The following AATF variants were observed in gnomAD, a reference collection of about 807,000 sequenced individuals.
AATF encodes the protein protein AATF.
AATF carries 48 observed loss-of-function variants against 63.7 expected under a neutral mutation model. The observed-to-expected ratio is 0.75, with a 90% confidence interval of 0.60 to 0.96. The LOEUF is 0.96. Among genes scored for constraint, AATF ranks in the 40% least tolerant of loss-of-function variants. The probability of loss-of-function intolerance (pLI) is 0.00; values close to 1 mark genes in which losing one functional copy is unlikely to be tolerated. For missense variants in AATF, 639 were observed against 685.7 expected (o/e 0.93, Z 0.76); for synonymous variants, 258 against 247.7 (o/e 1.04, Z -0.39).
chr17:36,992,971 G>A (rs796652344), intron 8 of AATF, among the ~76,000 whole-genome samples: 29 of 152,240 alleles, frequency 1.9e-4, no homozygotes, highest in African/African-American at 6.5e-4. Context: ...CAGCATCTCC[G>A]GAAGCATTCC....
chr17:36,952,674 C>T (rs982345827), intron 2 of AATF, among the ~76,000 whole-genome samples: 3 of 152,198 alleles, frequency 2.0e-5, no homozygotes, highest in Non-Finnish European at 4.4e-5. Context: ...CCACTAGCTC[C>T]TTTTGTTAGG....
chr17:37,031,714 A>C (rs190989453), intron 11 of AATF, 29 bp downstream of exon 11: 21,491 of 1,577,436 alleles, frequency 0.014, 187 homozygotes, highest in Non-Finnish European at 0.017. Flanking sequence ...ATGTGTCTCA[A>C]ATGGCTTCAT....
chr17:36,964,921 C>T (rs1396185126), intron 4 of AATF, among the ~76,000 whole-genome samples: 5 of 152,068 alleles, frequency 3.3e-5, no homozygotes, highest in African/African-American at 7.2e-5. Context: ...GGAGAGCTAC[C>T]GCTTTCGGGT....
intron 4 of AATF, among the ~76,000 whole-genome samples, chr17:36,983,102 C>A (rs1043531640): frequency 2.0e-5 from 3 of 151,994 alleles, no homozygotes; most frequent in Admixed American, 6.6e-5. Flanking sequence ...AGTACAGTGG[C>A]GTGATCACAG....
chr17:37,030,753 G>A (rs919322720), intron 10 of AATF, among the ~76,000 whole-genome samples: 7 of 152,146 alleles, frequency 4.6e-5, no homozygotes, highest in African/African-American at 1.7e-4. Flanking sequence ...ACGTGGAATT[G>A]CAGACCCCTT....
intron 11 of AATF, among the ~76,000 whole-genome samples, chr17:37,049,934 T>C (rs2071732841): frequency 6.6e-6 from 1 of 152,038 alleles, no homozygotes; most frequent in South Asian, 2.1e-4. Flanking sequence ...TCCACCTGCT[T>C]TGGGCTCACG....
chr17:36,983,124 C>T (rs997059270), intron 4 of AATF, among the ~76,000 whole-genome samples: 2 of 152,110 alleles, frequency 1.3e-5, no homozygotes, highest in African/African-American at 4.8e-5. Context: ...TCACTGCAGC[C>T]TCAACCACCT....
intron 11 of AATF, among the ~76,000 whole-genome samples, chr17:37,048,438 T>G (rs1204657868): frequency 7.1e-6 from 1 of 140,654 alleles, no homozygotes; most frequent in Non-Finnish European, 1.5e-5. Flanking sequence ...TGGCACAATC[T>G]CGGCTCACTG....
At chr17:36,965,309 A>T (rs1597702778) in intron 4 of AATF, among the ~76,000 whole-genome samples, 1 of 152,074 alleles carries the variant, frequency 6.6e-6, no homozygotes, top group African/African-American at 2.4e-5. Flanking sequence ...AGGCGGCCAC[A>T]TTCTTTGCTC....
chr17:37,004,575 A>T (rs2142268172), intron 8 of AATF, among the ~76,000 whole-genome samples: 1 of 152,198 alleles, frequency 6.6e-6, no homozygotes, highest in African/African-American at 2.4e-5. Flanking sequence ...GGTGTGATGG[A>T]TAGAGGGAAG....
intron 4 of AATF, among the ~76,000 whole-genome samples, chr17:36,959,180 A>T (rs1366666511): frequency 6.6e-6 from 1 of 151,912 alleles, no homozygotes; most frequent in Non-Finnish European, 1.5e-5. Flanking sequence ...GTGGTGGCTC[A>T]TGCCTGTAAT....
chr17:37,027,845 G>A (rs1341558390), intron 10 of AATF, among the ~76,000 whole-genome samples: 1 of 152,108 alleles, frequency 6.6e-6, no homozygotes, highest in Admixed American at 6.5e-5. Flanking sequence ...CACAACTGTA[G>A]GGTACAGTTC....
rs767978973 is a variant in AATF at position 36,950,215 on chromosome 17, C to G, written c.93C>G (p.Ala31=). 6.2e-7 allele frequency: 1 copy of G among 1,611,626 alleles called. No homozygotes were observed. The highest frequency in any genetic ancestry group is 1.1e-5 in the South Asian group (1 of 90,972). Residue 31 remains alanine (A), a splice_region_variant and synonymous_variant, in exon 2 of 12, where the codon GCC becomes GCG. Transcript: ENST00000619387. ...TTACTTTTCCCTCTCCCCCGACAGCCACTGCTGCCAGGGTGATTGACAGGT... is the reference window on the plus strand; with the variant it reads ...TTACTTTTCCCTCTCCCCCGACAGCGACTGCTGCCAGGGTGATTGACAGGT... ...EADPEADPEE[A]TAARVIDRFD...
chr17:37,019,413 A>T (rs1188315807), intron 9 of AATF, among the ~76,000 whole-genome samples: 1 of 152,232 alleles, frequency 6.6e-6, no homozygotes, highest in Non-Finnish European at 1.5e-5. Flanking sequence ...CTCAGCTGTC[A>T]GAACATGGCA....
chr17:36,985,440 A>T (rs1390517975), intron 4 of AATF, among the ~76,000 whole-genome samples: 1 of 148,534 alleles, frequency 6.7e-6, no homozygotes, highest in Non-Finnish European at 1.5e-5. Context: ...ATGCCTGGCT[A>T]AATTTTTTTT....
intron 8 of AATF, among the ~76,000 whole-genome samples, chr17:37,010,880 G>A (rs2071385405): frequency 6.6e-6 from 1 of 152,294 alleles, no homozygotes; most frequent in South Asian, 2.1e-4. Context: ...GCGGAAGGTG[G>A]GTTAGGTTGG....
intron 4 of AATF, among the ~76,000 whole-genome samples, chr17:36,976,306 A>G (rs749888144): frequency 2.0e-5 from 3 of 152,240 alleles, no homozygotes; most frequent in Non-Finnish European, 2.9e-5. Flanking sequence ...ATGCAATAAT[A>G]GTATCTACCT....
chr17:37,008,719 G>C (rs929582352), intron 8 of AATF, among the ~76,000 whole-genome samples: 1 of 152,096 alleles, frequency 6.6e-6, no homozygotes, highest in African/African-American at 2.4e-5. Flanking sequence ...GAAAAAATTA[G>C]CTGGGCATGC....
In AATF at chr17:36,949,194, C is replaced by G; in HGVS notation, c.69C>G (p.Asp23Glu). The G allele has an allele frequency of 6.3e-7, 1 of 1,593,370 alleles. No homozygotes were observed. The highest frequency in any genetic ancestry group is 2.3e-5 in the East Asian group (1 of 44,090). Residue 23 changes from aspartate (D) to glutamate (E), a missense_variant, in exon 1 of 12, where the codon GAC (aspartate) becomes GAG (glutamate). Coordinates refer to ENST00000619387, the MANE Select transcript of AATF (RefSeq NM_012138.4). ...QLLNPRPSEA[D>E]PEADPEEATA... Reference sequence around the variant, plus strand: ...TGAACCCGCGACCAAGCGAGGCGGACCCTGAAGCGGACCCCGAGGAAGGTG... The same window carrying G: ...TGAACCCGCGACCAAGCGAGGCGGAGCCTGAAGCGGACCCCGAGGAAGGTG...
Sources: allele counts gnomAD v4.1 joint callset (sites outside exome capture counted in the v4.1 genomes callset), GRCh38; gene constraint gnomAD v4.1.1; transcripts MANE v1.5; gene names NCBI Gene and HGNC (gene_info 2026-07-23, HGNC 2026-07-21).